The following PADI3 variants were observed in gnomAD, a reference collection of about 807,000 sequenced individuals.
The protein encoded by PADI3 is protein-arginine deiminase type-3.
A neutral mutation model predicts 71.5 loss-of-function variants in PADI3; 53 were observed. That is an observed-to-expected ratio of 0.74 (90% CI 0.59 to 0.93). PADI3 has a LOEUF of 0.93. Ranked by LOEUF, PADI3 falls within the 40% of genes least tolerant of loss-of-function variation. The probability of loss-of-function intolerance (pLI) is 0.00; values close to 1 mark genes in which losing one functional copy is unlikely to be tolerated. For synonymous variants in PADI3, 361 were observed against 347.5 expected, an observed-to-expected ratio of 1.04 and a Z score of -0.43; for missense variants, 821 against 868.0, an observed-to-expected ratio of 0.95 and a Z score of 0.68.
At chr1:17,252,046 T>C (rs1420417861) in intron 1 of PADI3, among the ~76,000 whole-genome samples, 1 of 152,224 alleles carries the variant, frequency 6.6e-6, no homozygotes, top group Non-Finnish European at 1.5e-5. Flanking sequence ...AACTTTATCT[T>C]CTTGCCTTTC....
chr1:17,271,850 A>G (rs1217816433), intron 9 of PADI3, among the ~76,000 whole-genome samples: 1 of 147,080 alleles, frequency 6.8e-6, no homozygotes, highest in Non-Finnish European at 1.5e-5. Context: ...AAAAAAAAAA[A>G]AAAAAGAGAG....
chr1:17,259,173 G>A lies in PADI3; in HGVS notation c.93-405G>A, dbSNP rs956089627. On this transcript the variant is annotated intron_variant, in intron 1 of 15. Coordinates refer to ENST00000375460, the MANE Select transcript of PADI3 (RefSeq NM_016233.2). ...CAACCTCTGCCTCCTGGGTTCAAGCGATTCTCCTGCCTCAGCCTCCCCAGT... is the reference window on the plus strand; with the variant it reads ...CAACCTCTGCCTCCTGGGTTCAAGCAATTCTCCTGCCTCAGCCTCCCCAGT... Among the ~76,000 whole-genome samples, 12 of 152,284 alleles carry A rather than the reference G, an allele frequency of 7.9e-5. No homozygotes were observed. In the South Asian group the frequency reaches 8.3e-4, roughly 11 times the overall value.
chr1:17,268,014 T>C (rs767018158), intron 6 of PADI3, 52 bp downstream of exon 6: 190 of 1,608,442 alleles, frequency 1.2e-4, no homozygotes, highest in Non-Finnish European at 1.6e-4. Flanking sequence ...CCAGGTTGCC[T>C]ACCAGGGAAC....
intron 1 of PADI3, among the ~76,000 whole-genome samples, chr1:17,252,130 GGGAA>G (rs773954394): frequency 6.6e-6 from 1 of 152,286 alleles, no homozygotes; most frequent in East Asian, 1.9e-4. Context: ...GATGGGGAAA[GGGAA>G]GGAAGGGTAC....
At chr1:17,275,993 T>C (rs2073325302) in intron 11 of PADI3, among the ~76,000 whole-genome samples, 1 of 152,226 alleles carries the variant, frequency 6.6e-6, no homozygotes, top group Non-Finnish European at 1.5e-5. Flanking sequence ...GTGACTGACC[T>C]GTCCTGAGTC....
At position 17,259,682 on chromosome 1, in the gene PADI3, G is replaced by A; in HGVS notation, c.197G>A (p.Arg66Lys). 1 of 1,613,828 alleles carries A rather than the reference G, an allele frequency of 6.2e-7. No individual in the cohort carries two copies. Among genetic ancestry groups the A allele is most frequent in the African/African-American group, 1.3e-5 (1 of 75,050 alleles). ...AGGGGCCGGGAGCGTGCAGACACCA[G>A]GCGGTGGCGCTTTGACGCGACTTTG... ...MERGRERADT[R>K]RWRFDATLEI... Residue 66 changes from arginine to lysine, a missense_variant, in exon 2 of 16, where the codon AGG becomes AAG. Transcript: ENST00000375460.
intron 5 of PADI3, among the ~76,000 whole-genome samples, chr1:17,267,116 T>C (rs2073180807): frequency 6.6e-6 from 1 of 152,178 alleles, no homozygotes; most frequent in African/African-American, 2.4e-5. Flanking sequence ...CTAGCATTAT[T>C]TGAGCACCTA....
chr1:17,282,870 C>G lies in PADI3; in HGVS notation c.1786C>G (p.His596Asp). The change falls in exon 16 of 16, where the codon CAC becomes GAC. Residue 596 changes from histidine (H) to aspartate (D), a missense_variant. Physicochemically the swap from His to Asp is moderately conservative, Grantham distance 81. Coordinates refer to ENST00000375460, the MANE Select transcript of PADI3 (RefSeq NM_016233.2). ...DLVNMLVLGK[H>D]LGIPKPFGPI... ...GGTGAACATGCTGGTGCTGGGGAAG[C>G]ACCTGGGCATCCCCAAGCCCTTTGG... The G allele has an allele frequency of 1.2e-6, 2 of 1,613,136 alleles. No individual in the cohort carries two copies. Among genetic ancestry groups the G allele is most frequent in the Admixed American group, 3.3e-5 (2 of 59,862 alleles).
intron 2 of PADI3, among the ~76,000 whole-genome samples, chr1:17,261,121 C>T (rs192429413): frequency 1.3e-4 from 20 of 152,254 alleles, no homozygotes; most frequent in African/African-American, 4.6e-4. Context: ...CCTGCAAGAT[C>T]CTCCCCTCTG....
chr1:17,280,781 C>T lies in PADI3; in HGVS notation c.1746C>T (p.Ala582=). The T allele has an allele frequency of 6.2e-7, 1 of 1,614,104 alleles. No homozygotes were observed. The highest frequency in any genetic ancestry group is 8.5e-7 in the Non-Finnish European group (1 of 1,179,960). The change falls in exon 15 of 16, where the codon GCC becomes GCT. Residue 582 remains alanine, a synonymous_variant. Transcript: ENST00000375460. The stretch of plus-strand genomic sequence containing the variant: ...AGACCGAGAGGAAAAAAGCAACGGC[C>T]TTCTTCCCTGACTTGGTGAGGGCAC... ...LFKTERKKAT[A]FFPDLVNMLV... is the part of the protein sequence containing the mutation.
chr1:17,261,013 A>T (rs1439811229), intron 2 of PADI3, among the ~76,000 whole-genome samples: 2 of 152,116 alleles, frequency 1.3e-5, no homozygotes, highest in Non-Finnish European at 2.9e-5. Flanking sequence ...GATCCCAGTA[A>T]TTGTATGTTT....
chr1:17,273,110 G>A (rs542487605), intron 9 of PADI3, among the ~76,000 whole-genome samples: 30 of 152,222 alleles, frequency 2.0e-4, no homozygotes, highest in East Asian at 5.8e-4. Flanking sequence ...GTTCACCTCC[G>A]GCCTCTGTCT....
chr1:17,255,506 C>T (rs16824443), intron 1 of PADI3, among the ~76,000 whole-genome samples: 3,234 of 152,296 alleles, frequency 0.021, 115 homozygotes, highest in African/African-American at 0.072. Context: ...GCTGGCAGCT[C>T]GAGGTGGCCT....
chr1:17,283,112 G>T lies in PADI3; in HGVS notation c.*33G>T, dbSNP rs766829498. ...CCCACCCACCATCCTGTCCCCCTGG[G>T]GCGGGCATTGGCCCAGGTGGTGGAG... On this transcript the variant is annotated 3_prime_UTR_variant, in exon 16 of 16. Transcript: ENST00000375460. 6.4e-7 allele frequency: 1 copy of T among 1,552,502 alleles called. No individual in the cohort carries two copies. The highest frequency in any genetic ancestry group is 8.9e-7 in the Non-Finnish European group (1 of 1,126,700).
intron 6 of PADI3, among the ~76,000 whole-genome samples, chr1:17,269,781 G>C (rs571879494): frequency 2.0e-5 from 3 of 152,024 alleles, no homozygotes; most frequent in African/African-American, 7.2e-5. Flanking sequence ...CCACCGCCCG[G>C]CTAATTTTTG....
intron 1 of PADI3, among the ~76,000 whole-genome samples, chr1:17,258,557 G>A (rs528063878): frequency 1.7e-4 from 26 of 152,368 alleles, no homozygotes; most frequent in South Asian, 8.3e-4. Flanking sequence ...CAAGTTTCCC[G>A]GGTGACACTG....
intron 1 of PADI3, among the ~76,000 whole-genome samples, chr1:17,250,156 G>A (rs547016665): frequency 6.6e-6 from 1 of 152,292 alleles, no homozygotes; most frequent in African/African-American, 2.4e-5. Context: ...CAGGGTCCTG[G>A]CTTGGAGGTA....
At chr1:17,258,467 G>A (rs1202216323) in intron 1 of PADI3, among the ~76,000 whole-genome samples, 1 of 152,252 alleles carries the variant, frequency 6.6e-6, no homozygotes, top group African/African-American at 2.4e-5. Context: ...TGGAATGAGG[G>A]AAATGCAATC....
chr1:17,256,495 C>A (rs570264409), intron 1 of PADI3, among the ~76,000 whole-genome samples: 1 of 152,206 alleles, frequency 6.6e-6, no homozygotes, highest in Admixed American at 6.5e-5. Flanking sequence ...TTGTTCAGAC[C>A]GTGGTCCTGG....
Sources: gnomAD v4.1 joint callset for allele counts (sites outside exome capture counted in the v4.1 genomes callset) on GRCh38, gnomAD v4.1.1 for gene constraint, MANE v1.5 for transcripts, NCBI Gene and HGNC (gene_info 2026-07-23, HGNC 2026-07-21) for gene names.